CCDC134: variants seen among roughly 807,000 people sequenced by gnomAD.
The protein encoded by CCDC134 is coiled-coil domain-containing protein 134.
Under a neutral mutation model 25.6 loss-of-function variants are expected in CCDC134, and 27 were observed. That is an observed-to-expected ratio of 1.05 (90% CI 0.78 to 1.45). The LOEUF is 1.45. Ranked by LOEUF, CCDC134 falls within the 40% of genes most tolerant of loss-of-function variation. The pLI is 0.00. For synonymous variants in CCDC134, 110 were observed against 115.0 expected, an observed-to-expected ratio of 0.96 and a Z score of 0.28; for missense variants, 261 against 286.7, an observed-to-expected ratio of 0.91 and a Z score of 0.65.
At chr22:41,818,878 C>G (rs2076635096) in intron 6 of CCDC134, among the ~76,000 whole-genome samples, 1 of 152,210 alleles carries the variant, frequency 6.6e-6, no homozygotes, top group Non-Finnish European at 1.5e-5. Context: ...CATGGAGATG[C>G]TTTATTGCTG....
Position 41,813,856 on chromosome 22 carries a change from T to C in CCDC134, c.564+34T>C, listed in dbSNP as rs919055906. ...CCAGGGCCTATGCCTGTGTCTGCTT[T>C]GCCTCTGCTGGGCCATAGGACACCG... On this transcript the variant is annotated intron_variant, in intron 6 of 6. Coordinates refer to ENST00000255784, the MANE Select transcript of CCDC134 (RefSeq NM_024821.5). 7 of 1,601,864 alleles carry C rather than the reference T, an allele frequency of 4.4e-6. No individual in the cohort carries two copies. The African/African-American group carries it at 9.4e-5, about 21-fold the overall frequency.
chr22:41,818,101 T>TA (rs1182882299), intron 6 of CCDC134, among the ~76,000 whole-genome samples: 1 of 152,158 alleles, frequency 6.6e-6, no homozygotes, highest in Non-Finnish European at 1.5e-5. Context: ...AGAGAAAAGA[T>TA]ACAAAGCAAA....
In CCDC134 at chr22:41,813,245, A is replaced by T; in HGVS notation, c.311-19A>T. On this transcript the variant is annotated intron_variant, in intron 4 of 6. Coordinates refer to ENST00000255784, the MANE Select transcript of CCDC134 (RefSeq NM_024821.5). ...AGGAGAGCATCTGCCCTGGCCACTCATCAGGGTCCTCTCGCCAGCTTTCTC... is the reference window on the plus strand; with the variant it reads ...AGGAGAGCATCTGCCCTGGCCACTCTTCAGGGTCCTCTCGCCAGCTTTCTC... The T allele has an allele frequency of 3.1e-6, 5 of 1,613,810 alleles. No homozygotes were observed. Among genetic ancestry groups the T allele is most frequent in the Non-Finnish European group, 4.2e-6 (5 of 1,179,736 alleles).
At chr22:41,805,345 T>C (rs1407749637) in intron 1 of CCDC134, among the ~76,000 whole-genome samples, 2 of 152,082 alleles carry the variant, frequency 1.3e-5, no homozygotes, top group African/African-American at 4.8e-5. Context: ...GGAAGGAGAA[T>C]TGATTGAGCC....
At chr22:41,809,026 T>C in intron 2 of CCDC134, 33 bp downstream of exon 2, 1 of 1,532,638 alleles carries the variant, frequency 6.5e-7, no homozygotes, top group Non-Finnish European at 9.0e-7. Flanking sequence ...ATGAGCTGTC[T>C]TTGAGAGGTC....
intron 6 of CCDC134, among the ~76,000 whole-genome samples, chr22:41,824,674 C>G (rs903879268): frequency 1.3e-5 from 2 of 152,080 alleles, no homozygotes; most frequent in Non-Finnish European, 2.9e-5. Context: ...GCAGGAGAAT[C>G]GGTTGAACCC....
At chr22:41,813,473 G>A (rs1229404981) in intron 5 of CCDC134, 28 bp downstream of exon 5, 1 of 1,613,456 alleles carries the variant, frequency 6.2e-7, no homozygotes. Context: ...GGTGGCCCGG[G>A]AGCCCTCTGT....
At position 41,826,509 on chromosome 22, in the gene CCDC134, G is replaced by A; in HGVS notation, c.*686G>A. Among the ~76,000 whole-genome samples the A allele has an allele frequency of 6.6e-6, 1 of 152,224 alleles. No individual in the cohort carries two copies. Among genetic ancestry groups the A allele is most frequent in the East Asian group, 1.9e-4 (1 of 5,192 alleles). ...GGACCTGGAAGTGCCCTGGGACCTGGGAAACATTTAGCTCAAGAAGACCTT... is the reference window on the plus strand; with the variant it reads ...GGACCTGGAAGTGCCCTGGGACCTGAGAAACATTTAGCTCAAGAAGACCTT... On this transcript the variant is annotated 3_prime_UTR_variant, in exon 7 of 7. Coordinates refer to ENST00000255784, the MANE Select transcript of CCDC134 (RefSeq NM_024821.5).
Position 41,816,209 on chromosome 22 carries a change from G to A in CCDC134, c.564+2387G>A, listed in dbSNP as rs115250196. Among the ~76,000 whole-genome samples, 181 of 152,258 alleles carry A rather than the reference G, an allele frequency of 1.2e-3. 1 individual carries two copies. The highest frequency in any genetic ancestry group is 4.2e-3 in the African/African-American group (176 of 41,550). ...TGACCCATTCTCTCCCACATGTTACGCTTGATTTGAGTCACCAGAACAATG... is the reference window on the plus strand; with the variant it reads ...TGACCCATTCTCTCCCACATGTTACACTTGATTTGAGTCACCAGAACAATG... On this transcript the variant is annotated intron_variant, in intron 6 of 6. Coordinates refer to ENST00000255784, the MANE Select transcript of CCDC134 (RefSeq NM_024821.5).
chr22:41,824,471 A>G (rs1325220342), intron 6 of CCDC134, among the ~76,000 whole-genome samples: 1 of 152,198 alleles, frequency 6.6e-6, no homozygotes, highest in Non-Finnish European at 1.5e-5. Context: ...TTACATTTTG[A>G]AAAGATCCAT....
At chr22:41,818,148 G>C (rs939673202) in intron 6 of CCDC134, among the ~76,000 whole-genome samples, 1 of 152,216 alleles carries the variant, frequency 6.6e-6, no homozygotes, top group Non-Finnish European at 1.5e-5. Context: ...GCAAAGTCCA[G>C]GGGAAATAGG....
At chr22:41,812,921 C>A (rs1385487715) in intron 4 of CCDC134, among the ~76,000 whole-genome samples, 1 of 152,102 alleles carries the variant, frequency 6.6e-6, no homozygotes, top group Non-Finnish European at 1.5e-5. Context: ...GTCCCCACAG[C>A]AAATGTGTCT....
At chr22:41,820,884 A>G (rs1032231391) in intron 6 of CCDC134, among the ~76,000 whole-genome samples, 1 of 152,154 alleles carries the variant, frequency 6.6e-6, no homozygotes, top group African/African-American at 2.4e-5. Flanking sequence ...AGCCATGCCT[A>G]TGTAGAAGGC....
chr22:41,818,089 A>C (rs139769207), intron 6 of CCDC134, among the ~76,000 whole-genome samples: 1 of 152,192 alleles, frequency 6.6e-6, no homozygotes, highest in Non-Finnish European at 1.5e-5. Flanking sequence ...ACGATTTACT[A>C]CAGAGAAAAG....
In CCDC134 at chr22:41,825,066, C is replaced by T. The variant is rs765944987; in HGVS notation, c.565-632C>T. 2.0e-5 allele frequency among the ~76,000 whole-genome samples: 3 copies of T among 152,030 alleles called. No homozygotes were observed. Among genetic ancestry groups the T allele is most frequent in the Admixed American group, 6.6e-5 (1 of 15,264 alleles). ...GGGACTCTGGGGAGAGGGAACCATA[C>T]TGAGTCTAGGGTGCATTTGGGACAT... On this transcript the variant is annotated intron_variant, in intron 6 of 6. Transcript: ENST00000255784. This position sits in a 1 kb window ranked among gnomAD's most constrained non-coding sequence, Gnocchi z 4.4.
Position 41,825,749 on chromosome 22 carries a change from C to T in CCDC134, c.616C>T (p.Arg206Cys), listed in dbSNP as rs144065271. Reference protein sequence around the residue: ...FQKALREEEKRRKKEEKRKEI... With the variant: ...FQKALREEEKCRKKEEKRKEI... ...GAAGGCCCTGAGAGAAGAAGAGAAA[C>T]GCCGAAAGAAAGAGGAGAAGCGGAA... The change falls in exon 7 of 7, where the codon CGC (arginine) becomes TGC (cysteine). Residue 206 changes from arginine (R) to cysteine (C), a missense_variant. Coordinates refer to ENST00000255784, the MANE Select transcript of CCDC134 (RefSeq NM_024821.5). The surrounding 1 kb of genome is among the most constrained non-coding windows in gnomAD (Gnocchi z 4.4). The T allele has an allele frequency of 1.4e-5, 23 of 1,614,000 alleles. No individual in the cohort carries two copies. The highest frequency in any genetic ancestry group is 2.2e-5 in the East Asian group (1 of 44,898).
chr22:41,821,673 C>T (rs1035847674), intron 6 of CCDC134, among the ~76,000 whole-genome samples: 3 of 152,080 alleles, frequency 2.0e-5, no homozygotes, highest in Non-Finnish European at 4.4e-5. Context: ...GGGACTGATC[C>T]ATTAGAGAGG....
At position 41,829,048 on chromosome 22, in the gene CCDC134, T is replaced by C. The variant is rs553237239; in HGVS notation, c.*3225T>C. 3.9e-5 allele frequency among the ~76,000 whole-genome samples: 6 copies of C among 152,280 alleles called. No homozygotes were observed. The highest frequency in any genetic ancestry group is 1.2e-4 in the African/African-American group (5 of 41,554). ...GTGAAGAGGGCTGTCCTGTGTGTTG[T>C]AGGCTATTTTAGCAGCATCCCGGCC... On this transcript the variant is annotated 3_prime_UTR_variant, in exon 7 of 7. Transcript: ENST00000255784.
At chr22:41,813,075 C>T (rs1201591829) in intron 4 of CCDC134, among the ~76,000 whole-genome samples, 189 bp from the exon 5 acceptor site, 2 of 152,190 alleles carry the variant, frequency 1.3e-5, no homozygotes, top group African/African-American at 2.4e-5. Context: ...TATGAGGACT[C>T]AGTGAGCTGG....
Sources: gnomAD v4.1 joint callset for allele counts (sites outside exome capture counted in the v4.1 genomes callset) on GRCh38, gnomAD v4.1.1 for gene constraint, Gnocchi (gnomAD v3.1) non-coding constraint, MANE v1.5 for transcripts, NCBI Gene and HGNC (gene_info 2026-07-23, HGNC 2026-07-21) for gene names.